The following FAT4 variants were observed in gnomAD, a reference collection of about 807,000 sequenced individuals.
The protein encoded by FAT4 is protocadherin Fat 4.
In FAT4, 84 loss-of-function variants were observed where a neutral mutation model predicts 303.9. The ratio of observed to expected loss-of-function variants is 0.28; its 90% CI spans 0.23 to 0.33. The LOEUF is 0.33. Ranked by LOEUF, FAT4 falls within the 10% of genes least tolerant of loss-of-function variation. FAT4 has a pLI of 1.00. For synonymous variants in FAT4, 2,307 were observed against 2,298.8 expected, an observed-to-expected ratio of 1.00 and a Z score of -0.10; for missense variants, 6,005 against 6,146.8, an observed-to-expected ratio of 0.98 and a Z score of 0.77.
intron 8 of FAT4, among the ~76,000 whole-genome samples, chr4:125,439,415 C>T (rs1356312705): frequency 2.0e-5 from 3 of 151,876 alleles, no homozygotes; most frequent in South Asian, 4.1e-4. Flanking sequence ...TCACTGCAAC[C>T]TCCGCCTTCC....
chr4:125,405,312 G>A (rs762087225), intron 3 of FAT4, among the ~76,000 whole-genome samples: 5 of 152,040 alleles, frequency 3.3e-5, no homozygotes, highest in Non-Finnish European at 5.9e-5. Flanking sequence ...CCTCCATACT[G>A]TTTTTCCACA....
chr4:125,451,724 A>G lies in FAT4; in HGVS notation c.10714A>G (p.Arg3572Gly), dbSNP rs1427569969. The change falls in exon 10 of 18, where the codon AGA becomes GGA. Residue 3572 changes from arginine to glycine, a missense_variant. Coordinates refer to ENST00000394329, the MANE Select transcript of FAT4 (RefSeq NM_001291303.3). ...LSTAGVLSTT[R>G]EIDREQIADF... Reference sequence around the variant, plus strand: ...CACTGCTGGAGTTCTGAGCACAACCAGAGAGATTGACAGAGAGCAGATTGC... The same window carrying G: ...CACTGCTGGAGTTCTGAGCACAACCGGAGAGATTGACAGAGAGCAGATTGC... 1.4e-5 allele frequency: 23 copies of G among 1,614,182 alleles called. No individual in the cohort carries two copies. The highest frequency in any genetic ancestry group is 1.9e-5 in the Non-Finnish European group (22 of 1,180,016).
chr4:125,437,677 C>T (rs561471653), intron 8 of FAT4, among the ~76,000 whole-genome samples: 1 of 152,264 alleles, frequency 6.6e-6, no homozygotes, highest in South Asian at 2.1e-4. Flanking sequence ...CTTTCTTTTA[C>T]TTGTCTTATA....
At chr4:125,334,241 A>T (rs1731489295) in intron 2 of FAT4, among the ~76,000 whole-genome samples, 1 of 152,116 alleles carries the variant, frequency 6.6e-6, no homozygotes. Flanking sequence ...CATGGAATTT[A>T]AAGTAAAAGA....
chr4:125,432,379 T>TG (rs1725311157), intron 7 of FAT4, among the ~76,000 whole-genome samples: 1 of 152,250 alleles, frequency 6.6e-6, no homozygotes, highest in Non-Finnish European at 1.5e-5. Flanking sequence ...TGCTGATTTA[T>TG]GGGGATTAGA....
At chr4:125,405,429 CAGGTGTG>C (rs1184947317) in intron 3 of FAT4, among the ~76,000 whole-genome samples, 3 of 152,040 alleles carry the variant, frequency 2.0e-5, no homozygotes, top group African/African-American at 7.2e-5. Flanking sequence ...GCCATGCCAA[CAGGTGTG>C]AGGTGATTTC....
chr4:125,409,865 C>A (rs979834142), intron 5 of FAT4, among the ~76,000 whole-genome samples: 6 of 152,056 alleles, frequency 3.9e-5, no homozygotes, highest in African/African-American at 1.4e-4. Context: ...TTGGATGCAA[C>A]TAAATTGTCT....
At chr4:125,439,499 A>ATTT (rs58479752) in intron 8 of FAT4, among the ~76,000 whole-genome samples, 39 of 145,086 alleles carry the variant, frequency 2.7e-4, no homozygotes, top group African/African-American at 9.8e-4. Flanking sequence ...TGCCCGGCTA[A>ATTT]TTTTTTTTTT....
At chr4:125,388,158 G>T (rs1209681925) in intron 2 of FAT4, among the ~76,000 whole-genome samples, 2 of 152,078 alleles carry the variant, frequency 1.3e-5, no homozygotes, top group Admixed American at 1.3e-4. Context: ...CCCTTCTTGT[G>T]CTATTTTTAT....
At position 125,318,418 on chromosome 4, in the gene FAT4, G is replaced by A. The variant is rs779127106; in HGVS notation, c.2007G>A (p.Gln669=). The change falls in exon 2 of 18, where the codon CAG becomes CAA. Residue 669 remains glutamine, a synonymous_variant. Coordinates refer to ENST00000394329, the MANE Select transcript of FAT4 (RefSeq NM_001291303.3). ...CCACAGATCTGGGCTCCCCTCCCCA[G>A]TCATCAATGGCTCGCATAAATGTGA... ...VLATDLGSPP[Q]SSMARINVSL... 2 of 1,614,038 alleles carry A rather than the reference G, an allele frequency of 1.2e-6. No homozygotes were observed. The highest frequency in any genetic ancestry group is 1.1e-5 in the South Asian group (1 of 91,086).
At chr4:125,412,015 A>G (rs1323318239) in intron 5 of FAT4, among the ~76,000 whole-genome samples, 1 of 151,846 alleles carries the variant, frequency 6.6e-6, no homozygotes, top group East Asian at 1.9e-4. Flanking sequence ...AAAGCCCACT[A>G]AATTTAAATT....
chr4:125,343,787 G>C (rs1422475717), intron 2 of FAT4, among the ~76,000 whole-genome samples: 1 of 151,908 alleles, frequency 6.6e-6, no homozygotes, highest in Non-Finnish European at 1.5e-5. Flanking sequence ...GATTCGAAAG[G>C]GCTTTCTGAA....
At chr4:125,405,635 C>T (rs571127792) in intron 3 of FAT4, among the ~76,000 whole-genome samples, 14 of 151,984 alleles carry the variant, frequency 9.2e-5, no homozygotes, top group African/African-American at 1.9e-4. Context: ...ATCAGCCTCC[C>T]GAGTAGCTGG....
intron 2 of FAT4, among the ~76,000 whole-genome samples, chr4:125,375,111 A>G (rs1487544064): frequency 5.3e-5 from 8 of 152,186 alleles, no homozygotes; most frequent in Non-Finnish European, 8.8e-5. Context: ...ACTTGAGAAA[A>G]GACAGCATCA....
Position 125,407,022 on chromosome 4 carries a change from A to G in FAT4, c.5450A>G (p.Asp1817Gly), listed in dbSNP as rs759964132. Residue 1817 changes from aspartate (D) to glycine (G), a missense_variant, in exon 4 of 18, where the codon GAT (aspartate) becomes GGT (glycine). Physicochemically the swap from Asp to Gly is moderately conservative, Grantham distance 94 (BLOSUM62 -1). Transcript: ENST00000394329. ...RSKYSLLVRADDGLQSSDMRI... is the reference protein window; with the variant it reads ...RSKYSLLVRAGDGLQSSDMRI... ...AAATATTCACTGCTAGTTCGTGCTG[A>G]TGATGGTCTTCAGTCCTCGGATATG... The G allele has an allele frequency of 1.5e-5, 25 of 1,613,876 alleles. No homozygotes were observed. The highest frequency in any genetic ancestry group is 1.7e-5 in the Non-Finnish European group (20 of 1,179,882).
intron 17 of FAT4, among the ~76,000 whole-genome samples, chr4:125,489,159 A>G (rs1727514661): frequency 6.6e-6 from 1 of 152,216 alleles, no homozygotes; most frequent in Admixed American, 6.5e-5. Flanking sequence ...AAACAAACCA[A>G]TGGAAATTAC....
chr4:125,416,203 G>A (rs1735055108), intron 6 of FAT4, among the ~76,000 whole-genome samples: 1 of 152,100 alleles, frequency 6.6e-6, no homozygotes, highest in Non-Finnish European at 1.5e-5. Context: ...AGGTGAAACT[G>A]CTCTTAAAAA....
chr4:125,469,994 A>T lies in FAT4; in HGVS notation c.12213+1175A>T, dbSNP rs911288298. 1.1e-4 allele frequency among the ~76,000 whole-genome samples: 17 copies of T among 152,294 alleles called. No individual in the cohort carries two copies. The South Asian group carries it at 1.5e-3, about 13-fold the overall frequency. ...TGTATTTTTTAAATAATAGGACTTG[A>T]AAGTCCAAGTGACTCTTTGATCCAT... On this transcript the variant is annotated intron_variant, in intron 12 of 17. Coordinates refer to ENST00000394329, the MANE Select transcript of FAT4 (RefSeq NM_001291303.3).
chr4:125,452,868 AC>A, intron 10 of FAT4, 58 bp downstream of exon 10: 1 of 1,504,648 alleles, frequency 6.6e-7, no homozygotes, highest in South Asian at 1.3e-5. Flanking sequence ...GTATATTGAA[AC>A]GAAATAATTT....
Sources: gnomAD v4.1 joint callset for allele counts (sites outside exome capture counted in the v4.1 genomes callset) on GRCh38, gnomAD v4.1.1 for gene constraint, MANE v1.5 for transcripts, NCBI Gene and HGNC (gene_info 2026-07-23, HGNC 2026-07-21) for gene names.